The following DIAPH2 variants were observed in gnomAD, a reference collection of about 807,000 sequenced individuals.
The protein encoded by DIAPH2 is diaphanous related formin 2.
A neutral mutation model predicts 92.7 loss-of-function variants in DIAPH2; 35 were observed. The observed-to-expected ratio is 0.38, with a 90% CI of 0.29 to 0.50. The LOEUF (loss-of-function observed/expected upper bound fraction) is 0.50, where lower values mean the gene tolerates loss of function less well. Among genes scored for constraint, DIAPH2 ranks in the 20% least tolerant of loss-of-function variants. The pLI, the probability that DIAPH2 is intolerant of heterozygous loss-of-function variation, is 0.94. For missense variants in DIAPH2, 701 were observed against 819.5 expected (o/e 0.86, Z 1.77); for synonymous variants, 301 against 280.4 (o/e 1.07, Z -0.73).
intron 26 of DIAPH2, among the ~76,000 whole-genome samples, chrX:97,583,748 C>T (rs1334413054): frequency 2.7e-5 from 3 of 110,644 alleles, no homozygotes; most frequent in East Asian, 5.8e-4. Context: ...CAAGCCTGGG[C>T]AATGGCGGGC....
intron 4 of DIAPH2, among the ~76,000 whole-genome samples, chrX:96,799,295 G>GT (rs1158488725): frequency 5.4e-5 from 6 of 111,500 alleles, no homozygotes; most frequent in African/African-American, 2.0e-4. Flanking sequence ...TTTGCAGCCT[G>GT]TTGCCCAATG....
At chrX:97,524,426 A>C (rs899735503) in intron 26 of DIAPH2, among the ~76,000 whole-genome samples, 5 of 112,243 alleles carry the variant, frequency 4.5e-5, no homozygotes, top group African/African-American at 1.6e-4. Context: ...AAAATGACTT[A>C]AGTGCTTTCC....
chrX:96,940,732 C>T (rs150283222), intron 12 of DIAPH2, among the ~76,000 whole-genome samples: 165 of 111,613 alleles, frequency 1.5e-3, no homozygotes, highest in African/African-American at 4.8e-3. Context: ...GCTGGTTATA[C>T]GTTAAAAATT....
chrX:97,085,190 A>G (rs1465277667), intron 19 of DIAPH2, among the ~76,000 whole-genome samples: 1 of 111,912 alleles, frequency 8.9e-6, no homozygotes, highest in Non-Finnish European at 1.9e-5. Flanking sequence ...TTTAGAATAT[A>G]TGAGAATATT....
chrX:97,162,724 A>G (rs1312283844), intron 22 of DIAPH2, among the ~76,000 whole-genome samples: 4 of 111,217 alleles, frequency 3.6e-5, no homozygotes, highest in Non-Finnish European at 7.5e-5. Flanking sequence ...CATGTTGCCC[A>G]AACTGGTCTC....
intron 17 of DIAPH2, among the ~76,000 whole-genome samples, chrX:97,013,149 G>A (rs2066238615): frequency 8.9e-6 from 1 of 112,099 alleles, no homozygotes; most frequent in South Asian, 3.7e-4. Flanking sequence ...TTTCTTTAAT[G>A]CCAGCACTTA....
At chrX:97,508,022 A>T (rs965604584) in intron 26 of DIAPH2, among the ~76,000 whole-genome samples, 1 of 111,409 alleles carries the variant, frequency 9.0e-6, no homozygotes, top group African/African-American at 3.3e-5. Context: ...ACTCAGTGCC[A>T]TGTCTCCATC....
chrX:96,984,105 T>A (rs12014847), intron 17 of DIAPH2, among the ~76,000 whole-genome samples: 5,445 of 111,827 alleles, frequency 0.049, 353 homozygotes, highest in African/African-American at 0.17. Flanking sequence ...TTCAGTTATC[T>A]GTTTTAATAG....
intron 23 of DIAPH2, among the ~76,000 whole-genome samples, chrX:97,260,745 G>A (rs1040815518): frequency 1.8e-5 from 2 of 111,869 alleles, no homozygotes; most frequent in Non-Finnish European, 3.8e-5. Context: ...GTCAGATTCC[G>A]TGGAAAACCT....
At chrX:97,511,051 T>C (rs1190516310) in intron 26 of DIAPH2, among the ~76,000 whole-genome samples, 1 of 104,307 alleles carries the variant, frequency 9.6e-6, no homozygotes, top group South Asian at 4.5e-4. Flanking sequence ...GTGAAGAAAG[T>C]CATTGGTAGC....
intron 22 of DIAPH2, among the ~76,000 whole-genome samples, chrX:97,239,878 C>T (rs776841372): frequency 1.1e-4 from 12 of 107,123 alleles, no homozygotes; most frequent in African/African-American, 4.2e-4. Context: ...CTCTCTTTCT[C>T]ACACACACAC....
At chrX:96,899,356 T>C (rs915785885) in intron 5 of DIAPH2, among the ~76,000 whole-genome samples, 4 of 110,849 alleles carry the variant, frequency 3.6e-5, no homozygotes, top group African/African-American at 1.3e-4. Flanking sequence ...TTCCTACCCA[T>C]GAGCATGGAA....
intron 4 of DIAPH2, among the ~76,000 whole-genome samples, chrX:96,783,171 A>C (rs1040201790): frequency 1.8e-5 from 2 of 111,667 alleles, no homozygotes; most frequent in African/African-American, 6.5e-5. Context: ...AAAAGCCCTG[A>C]ATATCTGATT....
chrX:97,201,412 G>A (rs772546718), intron 22 of DIAPH2, among the ~76,000 whole-genome samples: 9 of 96,728 alleles, frequency 9.3e-5, no homozygotes, highest in Non-Finnish European at 1.5e-4. Context: ...AGGAAGCTAA[G>A]AACCTTGATA....
At chrX:97,178,350 G>A (rs1238840704) in intron 22 of DIAPH2, among the ~76,000 whole-genome samples, 1 of 109,566 alleles carries the variant, frequency 9.1e-6, no homozygotes, top group Admixed American at 9.8e-5. Flanking sequence ...TGATATTGAT[G>A]GTTATTATTA....
intron 5 of DIAPH2, among the ~76,000 whole-genome samples, chrX:96,911,751 T>G (rs1429586742): frequency 8.9e-6 from 1 of 111,764 alleles, no homozygotes; most frequent in Non-Finnish European, 1.9e-5. Context: ...ATATAGTTAG[T>G]TATTTGTTCA....
chrX:97,030,161 AAC>A (rs1460707748), intron 17 of DIAPH2, among the ~76,000 whole-genome samples: 1 of 111,805 alleles, frequency 8.9e-6, no homozygotes, highest in Non-Finnish European at 1.9e-5. Context: ...CAAAAATCTT[AAC>A]ACAGTTTTTA....
intron 25 of DIAPH2, among the ~76,000 whole-genome samples, chrX:97,396,565 G>A (rs1439733118): frequency 1.8e-5 from 2 of 111,003 alleles, no homozygotes; most frequent in East Asian, 5.7e-4. Context: ...CCAGCTACTC[G>A]AGAGGCTGAG....
At chrX:97,284,482 T>C (rs2068523581) in intron 23 of DIAPH2, among the ~76,000 whole-genome samples, 1 of 109,918 alleles carries the variant, frequency 9.1e-6, no homozygotes, top group East Asian at 2.9e-4. Context: ...TAGTGGTGCA[T>C]GCCTGTAATC....
Sources: gnomAD v4.1 joint callset for allele counts (sites outside exome capture counted in the v4.1 genomes callset) on GRCh38, gnomAD v4.1.1 for gene constraint, MANE v1.5 for transcripts, NCBI Gene and HGNC (gene_info 2026-07-23, HGNC 2026-07-21) for gene names.